Variants in PTPRD observed in about 807,000 individuals in gnomAD.
PTPRD encodes protein tyrosine phosphatase receptor type D, also known as receptor-type tyrosine-protein phosphatase delta.
Under a neutral mutation model 214.5 loss-of-function variants are expected in PTPRD, and 34 were observed. That is an observed-to-expected ratio of 0.16 (90% CI 0.12 to 0.21). The LOEUF (loss-of-function observed/expected upper bound fraction) is 0.21, where lower values mean the gene tolerates loss of function less well. Among genes scored for constraint, PTPRD ranks in the 10% least tolerant of loss-of-function variants. The pLI, the probability that PTPRD is intolerant of heterozygous loss-of-function variation, is 1.00. For synonymous variants in PTPRD, 1,128 were observed against 845.7 expected, an observed-to-expected ratio of 1.33 and a Z score of -5.79; for missense variants, 2,545 against 2,398.7, an observed-to-expected ratio of 1.06 and a Z score of -1.27.
intron 14 of PTPRD, among the ~76,000 whole-genome samples, chr9:8,587,780 CACTT>C (rs1398912598): frequency 6.6e-6 from 1 of 152,110 alleles, no homozygotes; most frequent in African/African-American, 2.4e-5. Context: ...AAGAGGAAAA[CACTT>C]AGTAGGAAAG....
chr9:9,139,718 G>A (rs1016862155), intron 10 of PTPRD, among the ~76,000 whole-genome samples: 4 of 152,068 alleles, frequency 2.6e-5, no homozygotes, highest in Admixed American at 6.6e-5. Flanking sequence ...TATTTCTATC[G>A]TAATTTTCCA....
At chr9:10,117,084 C>T (rs775629389) in intron 3 of PTPRD, among the ~76,000 whole-genome samples, 2 of 152,076 alleles carry the variant, frequency 1.3e-5, no homozygotes, top group African/African-American at 4.8e-5. Flanking sequence ...ATAAATTCAT[C>T]AGAGCAGGAA....
chr9:9,693,209 G>C (rs932814565), intron 7 of PTPRD, among the ~76,000 whole-genome samples: 1 of 151,970 alleles, frequency 6.6e-6, no homozygotes, highest in African/African-American at 2.4e-5. Context: ...ATCTGGTATG[G>C]TTTAGCTTTG....
At position 8,929,583 on chromosome 9, in the gene PTPRD, C is replaced by T. The variant is rs970812589; in HGVS notation, c.-104+89114G>A. Among the ~76,000 whole-genome samples the T allele has an allele frequency of 5.9e-5, 9 of 151,498 alleles. 1 individual carries two copies. The highest frequency in any genetic ancestry group is 2.6e-4 in the Admixed American group (4 of 15,166). ...AAGCTTTTTGATGTGCTGCTGGATT[C>T]GGTTTGCCAGTATTTTATTGAGGAT... On this transcript the variant is annotated intron_variant, in intron 11 of 45. Coordinates refer to ENST00000381196, the MANE Select transcript of PTPRD (RefSeq NM_002839.4).
intron 9 of PTPRD, among the ~76,000 whole-genome samples, chr9:9,243,521 C>G (rs2099971453): frequency 6.6e-6 from 1 of 152,094 alleles, no homozygotes; most frequent in Admixed American, 6.6e-5. Flanking sequence ...AGCATATAAA[C>G]AGAACCAAAG....
intron 43 of PTPRD, among the ~76,000 whole-genome samples, chr9:8,335,111 C>T (rs1845314378): frequency 6.8e-6 from 1 of 146,954 alleles, no homozygotes; most frequent in Admixed American, 6.7e-5. Flanking sequence ...CTATTCCAAA[C>T]AATACAAAAA....
intron 2 of PTPRD, among the ~76,000 whole-genome samples, chr9:10,502,544 C>T (rs2044135671): frequency 6.6e-6 from 1 of 152,010 alleles, no homozygotes; most frequent in Non-Finnish European, 1.5e-5. Context: ...CTCATAAGTT[C>T]TGCCAGCTTT....
chr9:9,144,693 C>G (rs1288905426), intron 10 of PTPRD, among the ~76,000 whole-genome samples: 1 of 152,020 alleles, frequency 6.6e-6, no homozygotes, highest in African/African-American at 2.4e-5. Context: ...GGGGAGGTTG[C>G]AGTGACGTGA....
intron 11 of PTPRD, among the ~76,000 whole-genome samples, chr9:8,786,691 A>C (rs2154500457): frequency 6.6e-6 from 1 of 151,076 alleles, no homozygotes; most frequent in African/African-American, 2.4e-5. Context: ...CTGGGATTAC[A>C]GGCATGAGCC....
At position 8,340,254 on chromosome 9, in the gene PTPRD, G is replaced by T. The variant is rs951792763; in HGVS notation, c.5253+89C>A. ...GAGTGCACTGCATTTCAAAAAAAAT[G>T]ATCTAGCACAAGAGTTATTGAAACA... On this transcript the variant is annotated intron_variant, in intron 42 of 45. Coordinates refer to ENST00000381196, the MANE Select transcript of PTPRD (RefSeq NM_002839.4). 7 of 1,402,016 alleles carry T rather than the reference G, an allele frequency of 5.0e-6. No individual in the cohort carries two copies. In the East Asian group the frequency reaches 7.0e-5, roughly 14 times the overall value. The allele number at this position is 1,402,016 out of a possible 1,614,324, so 86.8% of individuals were successfully genotyped here. A position where few individuals can be genotyped will look rare whatever the true frequency, so the allele number is the denominator to read the frequency against.
intron 3 of PTPRD, among the ~76,000 whole-genome samples, chr9:10,104,962 T>G (rs2098608883): frequency 6.6e-6 from 1 of 151,836 alleles, no homozygotes; most frequent in Non-Finnish European, 1.5e-5. Context: ...TTGCACATGC[T>G]AGGCTTTCAC....
At chr9:8,437,129 C>A in intron 34 of PTPRD, 2 of 1,136,972 alleles carry the variant, frequency 1.8e-6, no homozygotes, top group South Asian at 3.0e-5. Flanking sequence ...TGAGAAAGGC[C>A]TAAAAGGGAA....
At chr9:9,969,655 T>A (rs1477988878) in intron 4 of PTPRD, among the ~76,000 whole-genome samples, 4 of 152,234 alleles carry the variant, frequency 2.6e-5, no homozygotes, top group Non-Finnish European at 5.9e-5. Flanking sequence ...TCATTAAATC[T>A]GCTCCTTGGG....
intron 2 of PTPRD, among the ~76,000 whole-genome samples, chr9:10,545,371 G>A (rs2059968756): frequency 6.6e-6 from 1 of 152,082 alleles, no homozygotes; most frequent in African/African-American, 2.4e-5. Context: ...AGCATGAGGG[G>A]TCATTTCTTT....
At chr9:8,344,804 C>T (rs1334959978) in intron 39 of PTPRD, among the ~76,000 whole-genome samples, 2 of 151,778 alleles carry the variant, frequency 1.3e-5, no homozygotes, top group Non-Finnish European at 2.9e-5. Context: ...CCTTATATTC[C>T]CATATTTCTT....
chr9:9,535,679 T>G (rs536298928), intron 8 of PTPRD, among the ~76,000 whole-genome samples: 22 of 152,220 alleles, frequency 1.4e-4, no homozygotes, highest in Non-Finnish European at 7.4e-5. Context: ...GAGTTTAATG[T>G]GGAGAAACAA....
chr9:10,427,066 T>C (rs1565962799), intron 2 of PTPRD, among the ~76,000 whole-genome samples: 1 of 152,092 alleles, frequency 6.6e-6, no homozygotes, highest in Non-Finnish European at 1.5e-5. Flanking sequence ...ATTGTTTTTC[T>C]TTTAATTTAT....
intron 3 of PTPRD, among the ~76,000 whole-genome samples, chr9:10,326,990 A>G (rs912232381): frequency 6.6e-6 from 1 of 151,404 alleles, no homozygotes; most frequent in African/African-American, 2.4e-5. Context: ...CTGACAATCT[A>G]TGTTCAAACG....
intron 2 of PTPRD, among the ~76,000 whole-genome samples, chr9:10,469,339 C>CA (rs1030328889): frequency 1.8e-4 from 28 of 151,826 alleles, no homozygotes; most frequent in African/African-American, 6.5e-4. Context: ...AGGTGTATGG[C>CA]AAAAAATTGA....
Sources: gnomAD v4.1 joint callset for allele counts (sites outside exome capture counted in the v4.1 genomes callset) on GRCh38, gnomAD v4.1.1 for gene constraint, MANE v1.5 for transcripts, NCBI Gene and HGNC (gene_info 2026-07-23, HGNC 2026-07-21) for gene names.